PDE4D: variants seen among roughly 807,000 people sequenced by gnomAD.
The protein encoded by PDE4D is 3',5'-cyclic-AMP phosphodiesterase 4D.
Under a neutral mutation model 87.4 loss-of-function variants are expected in PDE4D, and 24 were observed. The observed-to-expected ratio is 0.27, with a 90% CI of 0.20 to 0.39. The LOEUF (loss-of-function observed/expected upper bound fraction) is 0.39, where lower values mean the gene tolerates loss of function less well. PDE4D is among the 10% of genes least tolerant of loss of function. PDE4D has a pLI of 1.00. For synonymous variants in PDE4D, 384 were observed against 383.2 expected (o/e 1.00, Z -0.02); for missense variants, 714 against 1,041.0 (o/e 0.69, Z 4.32).
intron 1 of PDE4D, among the ~76,000 whole-genome samples, chr5:59,404,172 G>T (rs1341986436): frequency 6.6e-6 from 1 of 152,024 alleles, no homozygotes; most frequent in Non-Finnish European, 1.5e-5. Flanking sequence ...TTCCTACGGA[G>T]TTGAGCTCCT....
At chr5:59,513,031 T>A (rs963021109) in intron 1 of PDE4D, among the ~76,000 whole-genome samples, 7 of 152,148 alleles carry the variant, frequency 4.6e-5, no homozygotes, top group Non-Finnish European at 8.8e-5. Context: ...TGTTCTTTTT[T>A]AAAAAATGAT....
At chr5:59,654,267 A>G (rs1191641368) in intron 1 of PDE4D, among the ~76,000 whole-genome samples, 1 of 152,204 alleles carries the variant, frequency 6.6e-6, no homozygotes, top group Non-Finnish European at 1.5e-5. Context: ...GGGAGAGGGA[A>G]GAATAAAATA....
intron 1 of PDE4D, among the ~76,000 whole-genome samples, chr5:59,451,646 A>G (rs1026345049): frequency 5.3e-5 from 8 of 152,206 alleles, no homozygotes; most frequent in African/African-American, 1.9e-4. Flanking sequence ...TTACCAAGAC[A>G]TGCAGACTCC....
intron 1 of PDE4D, among the ~76,000 whole-genome samples, chr5:59,799,836 G>T (rs1387750995): frequency 6.6e-6 from 1 of 152,186 alleles, no homozygotes; most frequent in Non-Finnish European, 1.5e-5. Flanking sequence ...GGGGTACTCT[G>T]AAATTTACTT....
intron 1 of PDE4D, among the ~76,000 whole-genome samples, chr5:59,714,215 C>T (rs928285314): frequency 1.3e-5 from 2 of 152,144 alleles, no homozygotes; most frequent in Non-Finnish European, 2.9e-5. Flanking sequence ...GAGAGAAAAT[C>T]GATAAGCAGC....
At chr5:59,978,464 A>G (rs528172625) in intron 3 of PDE4D, among the ~76,000 whole-genome samples, 1 of 152,322 alleles carries the variant, frequency 6.6e-6, no homozygotes. Flanking sequence ...TGAAGTTGTA[A>G]TGAAATTACT....
At chr5:59,866,303 AC>A (rs1483107263) in intron 1 of PDE4D, among the ~76,000 whole-genome samples, 3 of 152,200 alleles carry the variant, frequency 2.0e-5, no homozygotes, top group Admixed American at 2.0e-4. Flanking sequence ...TCACCTTGGC[AC>A]AGAGACATAA....
At chr5:59,210,424 C>T (rs990435510) in intron 2 of PDE4D, among the ~76,000 whole-genome samples, 1 of 152,140 alleles carries the variant, frequency 6.6e-6, no homozygotes, top group African/African-American at 2.4e-5. Context: ...ACTGAAAACA[C>T]ACATTAGAGG....
intron 1 of PDE4D, among the ~76,000 whole-genome samples, chr5:59,416,065 A>G (rs1226656534): frequency 6.6e-6 from 1 of 152,186 alleles, no homozygotes; most frequent in Non-Finnish European, 1.5e-5. Context: ...ATTCAGTGGC[A>G]CAGTGGGCCC....
chr5:59,461,738 TC>T (rs1800815468), intron 1 of PDE4D, among the ~76,000 whole-genome samples: 1 of 152,192 alleles, frequency 6.6e-6, no homozygotes, highest in South Asian at 2.1e-4. Context: ...CAGATTTTTT[TC>T]CTGCTTATTA....
chr5:58,984,616 A>C (rs963472655), intron 11 of PDE4D, among the ~76,000 whole-genome samples: 6 of 152,040 alleles, frequency 3.9e-5, no homozygotes, highest in Admixed American at 2.0e-4. Context: ...AAAGTAGAGA[A>C]ATAAAAAAGT....
intron 2 of PDE4D, among the ~76,000 whole-genome samples, chr5:60,049,185 T>G (rs377238932): frequency 2.6e-5 from 4 of 152,300 alleles, no homozygotes; most frequent in Admixed American, 1.3e-4. Context: ...GCATTCTTCA[T>G]GTAGTTCTCG....
In PDE4D at chr5:59,128,391, C is replaced by T. The variant is rs560113230; in HGVS notation, c.808+52204G>A. Among the ~76,000 whole-genome samples, 7 of 152,248 alleles carry T rather than the reference C, an allele frequency of 4.6e-5. No homozygotes were observed. In the South Asian group the frequency reaches 1.0e-3, roughly 23 times the overall value. On this transcript the variant is annotated intron_variant, in intron 5 of 14. Transcript: ENST00000340635. ...AGAATTAAATATTTCACTCTAAATA[C>T]TCATGACTTGTTAAGAGGTCTGCTC...
rs6886142 is a variant in PDE4D, at chr5:60,458,241, G to A, written c.-90+29701C>T. Among the ~76,000 whole-genome samples, 997 of 152,108 alleles carry A rather than the reference G, an allele frequency of 6.6e-3. 15 individuals carry two copies. Among genetic ancestry groups the A allele is most frequent in the African/African-American group, 0.021 (881 of 41,486 alleles). On this transcript the variant is annotated intron_variant, in intron 1 of 16. Transcript: ENST00000502484. ...CTCTACTAAAAGTACAAAAAAATTA[G>A]CTGGGCATGGTGTCACATGCTTGTA...
chr5:59,794,435 C>T (rs747451993), intron 1 of PDE4D, among the ~76,000 whole-genome samples: 10 of 152,212 alleles, frequency 6.6e-5, no homozygotes, highest in Middle Eastern at 3.4e-3. Context: ...CAGTGAGGCA[C>T]GACATCCCTG....
intron 2 of PDE4D, among the ~76,000 whole-genome samples, chr5:60,169,118 A>C (rs959213528): frequency 1.3e-5 from 2 of 152,122 alleles, no homozygotes; most frequent in African/African-American, 2.4e-5. Flanking sequence ...AGAATTATTA[A>C]TCTCCAAGAA....
intron 1 of PDE4D, among the ~76,000 whole-genome samples, chr5:60,462,039 C>A (rs1388337252): frequency 2.0e-5 from 3 of 152,138 alleles, no homozygotes; most frequent in Non-Finnish European, 4.4e-5. Flanking sequence ...CACTCTAGGG[C>A]CAGGTATCCC....
At chr5:59,087,324 A>G (rs1767888768) in intron 5 of PDE4D, among the ~76,000 whole-genome samples, 2 of 152,042 alleles carry the variant, frequency 1.3e-5, no homozygotes, top group African/African-American at 4.8e-5. Context: ...GTCTCTACAA[A>G]AATTTTTAAA....
At chr5:60,212,333 G>A (rs763983165) in intron 1 of PDE4D, among the ~76,000 whole-genome samples, 31 of 152,018 alleles carry the variant, frequency 2.0e-4, no homozygotes, top group Non-Finnish European at 3.4e-4. Flanking sequence ...CATGTTTTGG[G>A]TGTGACTGAC....
Sources: gnomAD v4.1 joint callset for allele counts (sites outside exome capture counted in the v4.1 genomes callset) on GRCh38, gnomAD v4.1.1 for gene constraint, MANE v1.5 for transcripts, NCBI Gene and HGNC (gene_info 2026-07-23, HGNC 2026-07-21) for gene names.